The following CRISP1 variants were observed in gnomAD, a reference collection of about 807,000 sequenced individuals.
The protein encoded by CRISP1 is cysteine rich secretory protein 1, also known as cysteine-rich secretory protein 1.
A neutral mutation model predicts 33.1 loss-of-function variants in CRISP1; 44 were observed. The ratio of observed to expected loss-of-function variants is 1.33; its 90% CI spans 1.05 to 1.71. The LOEUF is 1.71. CRISP1 is among the 40% of genes most tolerant of loss of function. The probability of loss-of-function intolerance (pLI) is 0.00; values close to 1 mark genes in which losing one functional copy is unlikely to be tolerated. For missense variants in CRISP1, 390 were observed against 301.2 expected (o/e 1.29, Z -2.18); for synonymous variants, 103 against 98.7 (o/e 1.04, Z -0.26).
rs779793723 is a variant in CRISP1, at chr6:49,838,528, T to A, written c.534-3A>T. 26 of 1,608,532 alleles carry A rather than the reference T, an allele frequency of 1.6e-5. No individual in the cohort carries two copies. Among genetic ancestry groups the A allele is most frequent in the Non-Finnish European group, 2.1e-5 (25 of 1,177,274 alleles). ...TCTTTGTTTCAGGATCATTTCCCCT[T>A]GAATAAAAAAAAGTGATTTCATAAA... On this transcript the variant is annotated splice_polypyrimidine_tract_variant and splice_region_variant and intron_variant, in intron 6 of 7. Coordinates refer to ENST00000335847, the MANE Select transcript of CRISP1 (RefSeq NM_001131.3).
At chr6:49,869,227 G>T (rs994257490), upstream of CRISP1, among the ~76,000 whole-genome samples, 7 of 152,072 alleles carry the variant, frequency 4.6e-5, no homozygotes, top group African/African-American at 1.7e-4. Flanking sequence ...TGGCTTTCCT[G>T]CTTCCAAATT....
intron 1 of CRISP1, among the ~76,000 whole-genome samples, chr6:49,871,571 C>T (rs1346034182): frequency 3.4e-5 from 4 of 118,140 alleles, no homozygotes; most frequent in Non-Finnish European, 5.0e-5. Context: ...CACAACAGGC[C>T]CCAGTGTGTG....
At chr6:49,841,181 G>A (rs751228419) in intron 5 of CRISP1, among the ~76,000 whole-genome samples, 186 bp from the exon 6 acceptor site, 4 of 152,102 alleles carry the variant, frequency 2.6e-5, no homozygotes, top group Non-Finnish European at 4.4e-5. Context: ...GCATGTACAC[G>A]CACATAGCTG....
In CRISP1 at chr6:49,844,078, A is replaced by G. The variant is rs143222017; in HGVS notation, c.435+2442T>C. ...CAAGCAATTGAAGAAATCTTTATGC[A>G]AGGAAGAACCAGAACTTGAAGATTT... is the stretch of plus-strand genomic sequence containing the variant. On this transcript the variant is annotated intron_variant, in intron 5 of 7. Coordinates refer to ENST00000335847, the MANE Select transcript of CRISP1 (RefSeq NM_001131.3). Among the ~76,000 whole-genome samples, 900 of 152,322 alleles carry G rather than the reference A, an allele frequency of 5.9e-3. 16 individuals carry two copies. The highest frequency in any genetic ancestry group is 0.02 in the African/African-American group (824 of 41,580).
chr6:49,855,792 A>T (rs1367501400), intron 2 of CRISP1, among the ~76,000 whole-genome samples: 1 of 152,184 alleles, frequency 6.6e-6, no homozygotes, highest in Non-Finnish European at 1.5e-5. Flanking sequence ...AATATGATTC[A>T]GGTCTGGTGG....
chr6:49,859,726 T>C (rs551495915), intron 1 of CRISP1, among the ~76,000 whole-genome samples: 1 of 152,088 alleles, frequency 6.6e-6, no homozygotes, highest in South Asian at 2.1e-4. Context: ...ACAAAAAATA[T>C]GCAAAACAGC....
chr6:49,855,875 A>T (rs1284022871), intron 2 of CRISP1, among the ~76,000 whole-genome samples: 2 of 152,188 alleles, frequency 1.3e-5, no homozygotes, highest in Non-Finnish European at 2.9e-5. Context: ...AAATTGGAAC[A>T]CATTATTTAC....
At chr6:49,837,985 A>G (rs1770857898) in intron 7 of CRISP1, among the ~76,000 whole-genome samples, 1 of 152,078 alleles carries the variant, frequency 6.6e-6, no homozygotes, top group Non-Finnish European at 1.5e-5. Context: ...AAGAATAAGG[A>G]TCACTCAGTA....
At chr6:49,872,035 A>G (rs1000817553) in intron 1 of CRISP1, among the ~76,000 whole-genome samples, 13 of 152,044 alleles carry the variant, frequency 8.6e-5, no homozygotes, top group African/African-American at 3.1e-4. Flanking sequence ...AAGTGTTCTT[A>G]TTTCTCCACA....
At chr6:49,841,707 C>T (rs1300915673) in intron 5 of CRISP1, among the ~76,000 whole-genome samples, 1 of 152,096 alleles carries the variant, frequency 6.6e-6, no homozygotes. Flanking sequence ...TCTTATCGGT[C>T]AGTGAACAGG....
chr6:49,840,689 A>T (rs1381254270), intron 6 of CRISP1, among the ~76,000 whole-genome samples: 1 of 152,188 alleles, frequency 6.6e-6, no homozygotes, highest in Non-Finnish European at 1.5e-5. Flanking sequence ...ATAACTAAAT[A>T]TGTGTTTTCA....
chr6:49,873,913 A>G (rs1771978570), intron 1 of CRISP1, among the ~76,000 whole-genome samples: 1 of 152,130 alleles, frequency 6.6e-6, no homozygotes. Context: ...TTAAACTGAT[A>G]GACACAAGTA....
intron 1 of CRISP1, among the ~76,000 whole-genome samples, chr6:49,862,465 AGT>A (rs1302296603): frequency 6.6e-6 from 1 of 151,996 alleles, no homozygotes; most frequent in Admixed American, 6.6e-5. Context: ...TTTTGTCAAA[AGT>A]GTGTGAAAAA....
upstream of CRISP1, among the ~76,000 whole-genome samples, chr6:49,866,821 C>A (rs559063341): frequency 6.6e-6 from 1 of 152,118 alleles, no homozygotes; most frequent in Non-Finnish European, 1.5e-5. Flanking sequence ...GGTCCAGAAA[C>A]TTCTCAACTT....
chr6:49,868,423 G>C (rs1487674790), upstream of CRISP1, among the ~76,000 whole-genome samples: 5 of 152,042 alleles, frequency 3.3e-5, no homozygotes, highest in African/African-American at 1.2e-4. Context: ...GAAAAATCTT[G>C]AGAGATAGAT....
intron 3 of CRISP1, among the ~76,000 whole-genome samples, chr6:49,851,300 A>C (rs1451277190): frequency 6.6e-6 from 1 of 152,138 alleles, no homozygotes; most frequent in Admixed American, 6.6e-5. Flanking sequence ...GGGTTCAAGG[A>C]AGCAGGCTGA....
At chr6:49,839,502 A>G (rs1770916229) in intron 6 of CRISP1, among the ~76,000 whole-genome samples, 1 of 152,082 alleles carries the variant, frequency 6.6e-6, no homozygotes, top group Admixed American at 6.6e-5. Context: ...ATGTCTAAAA[A>G]CATAATGTAG....
At chr6:49,845,073 C>G (rs1305442630) in intron 5 of CRISP1, among the ~76,000 whole-genome samples, 2 of 152,132 alleles carry the variant, frequency 1.3e-5, no homozygotes, top group Non-Finnish European at 2.9e-5. Flanking sequence ...ATGTTATGAG[C>G]TGAATTCTTC....
Position 49,848,230 on chromosome 6 carries a change from G to A in CRISP1, c.265C>T (p.Pro89Ser), listed in dbSNP as rs140363477. Residue 89 changes from proline (P) to serine (S), a missense_variant, in exon 4 of 8, where the codon CCC (proline) becomes TCC (serine). Coordinates refer to ENST00000335847, the MANE Select transcript of CRISP1 (RefSeq NM_001131.3). ...TTACTTGGAAGTCTCCTCTCAAGGGGGTTGCTCTCTGTCATATCACAATAC... is the reference window on the plus strand; with the variant it reads ...TTACTTGGAAGTCTCCTCTCAAGGGAGTTGCTCTCTGTCATATCACAATAC... Reference protein sequence around the residue: ...SKYCDMTESNPLERRLPNTFC... With the variant: ...SKYCDMTESNSLERRLPNTFC... The A allele has an allele frequency of 2.6e-4, 415 of 1,601,222 alleles. 6 individuals are homozygous for A. The East Asian group carries it at 8.4e-3, about 32-fold the overall frequency.
Sources: allele counts gnomAD v4.1 joint callset (sites outside exome capture counted in the v4.1 genomes callset), GRCh38; gene constraint gnomAD v4.1.1; transcripts MANE v1.5; gene names NCBI Gene and HGNC (gene_info 2026-07-23, HGNC 2026-07-21).